Variants in TF observed in about 807,000 individuals in gnomAD.
TF encodes the protein serotransferrin.
TF carries 55 observed loss-of-function variants against 82.4 expected under a neutral mutation model. The ratio of observed to expected loss-of-function variants is 0.67; its 90% CI spans 0.54 to 0.84. The LOEUF is 0.84. Ranked by LOEUF, TF falls within the 40% of genes least tolerant of loss-of-function variation. TF has a pLI of 0.00. For synonymous variants in TF, 332 were observed against 332.6 expected, an observed-to-expected ratio of 1.00 and a Z score of 0.02; for missense variants, 737 against 868.4, an observed-to-expected ratio of 0.85 and a Z score of 1.90.
chr3:133,762,868 A>G (rs1255874795), intron 9 of TF, among the ~76,000 whole-genome samples: 1 of 152,226 alleles, frequency 6.6e-6, no homozygotes, highest in Admixed American at 6.5e-5. Context: ...AGTTTGCTAC[A>G]GTGAGCTCAA....
At position 133,789,879 on chromosome 3, in the gene TF, G is replaced by GTTTCT. The variant is rs1372575305; in HGVS notation, c.*11262_*11263insCTTTT. ...GCCAAAACAAAACGATCTCGTTTGC[G>GTTTCT]TTTTTTTTTTTTTTTTTTTTTTTTT... On this transcript the variant is annotated 3_prime_UTR_variant, in exon 17 of 17. Transcript: ENST00000402696. 5.6e-5 allele frequency: 5 copies of GTTTCT among 88,982 alleles called. No homozygotes were observed. Among genetic ancestry groups the GTTTCT allele is most frequent in the African/African-American group, 2.7e-4 (5 of 18,246 alleles). The allele number at this position is 88,982 out of a possible 1,614,324, so 5.5% of individuals were successfully genotyped here.
the TF span, among the ~76,000 whole-genome samples, chr3:133,728,263 C>T: frequency 6.6e-6 from 1 of 152,150 alleles, no homozygotes; most frequent in African/African-American, 2.4e-5. Context: ...CAACTTGGTT[C>T]CATTCTCCCC....
At chr3:133,767,490 G>T (rs1692100142) in intron 12 of TF, among the ~76,000 whole-genome samples, 1 of 152,170 alleles carries the variant, frequency 6.6e-6, no homozygotes, top group African/African-American at 2.4e-5. Flanking sequence ...AGCAAAGTGT[G>T]GCCAAGGTGA....
chr3:133,756,952 G>A lies in TF; in HGVS notation c.813G>A (p.Val271=), dbSNP rs768477697. 12 of 1,614,002 alleles carry A rather than the reference G, an allele frequency of 7.4e-6. No homozygotes were observed. In the East Asian group the frequency reaches 2.7e-4, roughly 36 times the overall value. The change falls in exon 7 of 17, where the codon GTG becomes GTA. Residue 271 remains valine (V), a synonymous_variant. Transcript: ENST00000402696. ...CCCAGGTCCCTTCTCATACCGTCGT[G>A]GCCCGAAGTATGGGCGGCAAGGAGG... ...HLAQVPSHTV[V]ARSMGGKEDL...
At chr3:133,700,501 T>C in the TF span, among the ~76,000 whole-genome samples, 4 of 152,248 alleles carry the variant, frequency 2.6e-5, no homozygotes, top group East Asian at 1.9e-4. Context: ...GGAAGTCTGA[T>C]TGCAGCCCAT....
In TF at chr3:133,783,952, G is replaced by C. The variant is rs1934578876; in HGVS notation, c.*5332G>C. 2 of 152,622 alleles carry C rather than the reference G, an allele frequency of 1.3e-5. No individual in the cohort carries two copies. Among genetic ancestry groups the C allele is most frequent in the South Asian group, 2.1e-4 (1 of 4,842 alleles). The allele number at this position is 152,622 out of a possible 1,614,324, so 9.5% of individuals were successfully genotyped here. ...CAGGTATAGCAGGGCGGGAAGCAGG[G>C]AGGCGGCCCCAACGCCGCGGAGGCC... On this transcript the variant is annotated 3_prime_UTR_variant, in exon 17 of 17. Transcript: ENST00000402696.
chr3:133,720,857 C>A, the TF span, among the ~76,000 whole-genome samples: 1 of 151,904 alleles, frequency 6.6e-6, no homozygotes, highest in Non-Finnish European at 1.5e-5. Flanking sequence ...TTACCTATTT[C>A]TTCTATGTTA....
rs749364348 is a variant in TF at position 133,757,856 on chromosome 3, G to A, written c.958G>A (p.Gly320Arg). ...CCTGCTGTTTAAGGACTCTGCCCAC[G>A]GGTTTTTAAAAGTCCCCCCCAGGAT... Reference protein sequence around the residue: ...KDLLFKDSAHGFLKVPPRMDA... With the variant: ...KDLLFKDSAHRFLKVPPRMDA... The change falls in exon 8 of 17, where the codon GGG (glycine) becomes AGG (arginine). Residue 320 changes from glycine to arginine, a missense_variant. Transcript: ENST00000402696. 2 of 1,614,172 alleles carry A rather than the reference G, an allele frequency of 1.2e-6. No homozygotes were observed. The highest frequency in any genetic ancestry group is 1.7e-6 in the Non-Finnish European group (2 of 1,180,024).
intron 10 of TF, among the ~76,000 whole-genome samples, chr3:133,764,535 G>T (rs1297597898): frequency 6.6e-6 from 1 of 152,182 alleles, no homozygotes; most frequent in Non-Finnish European, 1.5e-5. Flanking sequence ...CCATTGCAAA[G>T]GACAGCTGGG....
At chr3:133,685,721 C>T in the TF span, among the ~76,000 whole-genome samples, 1 of 152,142 alleles carries the variant, frequency 6.6e-6, no homozygotes, top group Non-Finnish European at 1.5e-5. Flanking sequence ...AATGGAAGAA[C>T]ATTCATTGCT....
At chr3:133,740,328 T>A in the TF span, among the ~76,000 whole-genome samples, 3 of 152,024 alleles carry the variant, frequency 2.0e-5, no homozygotes, top group African/African-American at 7.2e-5. Context: ...CACTGGGGCC[T>A]CTCAGGGGGT....
At position 133,754,508 on chromosome 3, in the gene TF, C is replaced by T. The variant is rs1460991068; in HGVS notation, c.339C>T (p.Phe113=). The T allele has an allele frequency of 6.2e-7, 1 of 1,614,078 alleles. No homozygotes were observed. ...FYGSKEDPQT[F]YYAVAVVKKD... is the part of the protein sequence containing the mutation. ...GTGCCTTTGCAGATCCACAGACTTT[C>T]TATTATGCTGTTGCTGTGGTGAAGA... Residue 113 remains phenylalanine, a synonymous_variant, in exon 4 of 17, where the codon TTC becomes TTT. Coordinates refer to ENST00000402696, the MANE Select transcript of TF (RefSeq NM_001063.4).
chr3:133,733,198 A>G, the TF span, among the ~76,000 whole-genome samples: 2 of 152,184 alleles, frequency 1.3e-5, no homozygotes, highest in Non-Finnish European at 2.9e-5. Context: ...AGCCCACTTT[A>G]TGCCATGCTG....
the TF span, among the ~76,000 whole-genome samples, chr3:133,722,760 T>C: frequency 6.6e-6 from 1 of 152,226 alleles, no homozygotes; most frequent in Non-Finnish European, 1.5e-5. Context: ...AGTTGTTTTT[T>C]AACCATTTAA....
intron 9 of TF, chr3:133,760,522 G>T (rs1933967684): frequency 6.5e-6 from 1 of 152,830 alleles, no homozygotes; most frequent in Middle Eastern, 2.9e-3. Flanking sequence ...AGCAGTTTGA[G>T]TGGCTGGGCT....
the TF span, among the ~76,000 whole-genome samples, chr3:133,738,075 C>G: frequency 1.3e-5 from 2 of 152,194 alleles, no homozygotes; most frequent in African/African-American, 4.8e-5. Flanking sequence ...AAAATACTGG[C>G]AAACTGAATC....
intron 2 of TF, chr3:133,748,800 C>A: frequency 1.7e-6 from 1 of 596,756 alleles, no homozygotes; most frequent in Non-Finnish European, 3.0e-6. Flanking sequence ...GCTTTCCAGA[C>A]ACAGTAGACG....
chr3:133,778,893 G>A lies in TF; in HGVS notation c.*273G>A, dbSNP rs1310096784. Reference sequence around the variant, plus strand: ...GCCCTTCCTTCTCAGCTCAAGATTCGTCTGGTCTTTCCCTACAGCTTTGTG... The same window carrying A: ...GCCCTTCCTTCTCAGCTCAAGATTCATCTGGTCTTTCCCTACAGCTTTGTG... On this transcript the variant is annotated 3_prime_UTR_variant, in exon 17 of 17. Coordinates refer to ENST00000402696, the MANE Select transcript of TF (RefSeq NM_001063.4). The A allele has an allele frequency of 1.3e-4, 50 of 384,194 alleles. 3 individuals carry two copies. Among genetic ancestry groups the A allele is most frequent in the South Asian group, 1.0e-3 (46 of 44,360 alleles). 23.8% of individuals were successfully genotyped at this position (384,194 alleles called of 1,614,324 possible). A position where few individuals can be genotyped will look rare whatever the true frequency, so the allele number is the denominator to read the frequency against.
At chr3:133,689,803 G>A in the TF span, among the ~76,000 whole-genome samples, 7 of 152,272 alleles carry the variant, frequency 4.6e-5, no homozygotes, top group Admixed American at 3.3e-4. Context: ...ATTAGGGCAC[G>A]AGGGTCCTAG....
Sources: gnomAD v4.1 joint callset for allele counts (sites outside exome capture counted in the v4.1 genomes callset) on GRCh38, gnomAD v4.1.1 for gene constraint, MANE v1.5 for transcripts, NCBI Gene and HGNC (gene_info 2026-07-23, HGNC 2026-07-21) for gene names.